The following MAP7 variants were observed in gnomAD, a reference collection of about 807,000 sequenced individuals.
MAP7 encodes microtubule associated protein 7.
A neutral mutation model predicts 94.8 loss-of-function variants in MAP7; 52 were observed. The observed-to-expected ratio is 0.55, with a 90% CI of 0.44 to 0.69. The LOEUF is 0.69. Among genes scored for constraint, MAP7 ranks in the 30% least tolerant of loss-of-function variants. The probability of loss-of-function intolerance (pLI) is 0.00; values close to 1 mark genes in which losing one functional copy is unlikely to be tolerated. For missense variants in MAP7, 940 were observed against 964.6 expected (o/e 0.97, Z 0.34); for synonymous variants, 350 against 357.0 (o/e 0.98, Z 0.22).
rs768953447 is a variant in MAP7 at position 136,362,699 on chromosome 6, G to C, written c.1277C>G (p.Ala426Gly). The change falls in exon 11 of 18, where the codon GCT becomes GGT. Residue 426 changes from alanine to glycine, a missense_variant. Ala to Gly is a moderately conservative substitution (Grantham distance 60, BLOSUM62 0). Transcript: ENST00000354570. ...GGCTGGAGCTGGGGCCATGGCTGGA[G>C]CAGCTGCACAAATAGGTACAAGGAG... ...TPAEPEVGPA[A>G]PAMAPAPASA... 2.7e-5 allele frequency: 43 copies of C among 1,586,336 alleles called. No homozygotes were observed. Among genetic ancestry groups the C allele is most frequent in the Non-Finnish European group, 3.5e-5 (41 of 1,171,216 alleles).
chr6:136,366,754 C>T (rs1037681725), intron 8 of MAP7, among the ~76,000 whole-genome samples: 5 of 152,296 alleles, frequency 3.3e-5, no homozygotes, highest in Non-Finnish European at 5.9e-5. Flanking sequence ...TGAAGCAAAA[C>T]GTCCCATTCT....
At chr6:136,410,384 CCT>C (rs1416850843) in intron 3 of MAP7, among the ~76,000 whole-genome samples, 1 of 152,190 alleles carries the variant, frequency 6.6e-6, no homozygotes, top group Non-Finnish European at 1.5e-5. Context: ...CTGCCTTCAT[CCT>C]CTCTCAGTTC....
chr6:136,389,233 A>C, intron 4 of MAP7, 121 bp downstream of exon 4: 2 of 1,428,098 alleles, frequency 1.4e-6, no homozygotes, highest in Non-Finnish European at 1.8e-6. Flanking sequence ...CCATCTGTAA[A>C]GCTGATCACT....
At chr6:136,435,175 G>T (rs1308220633) in intron 1 of MAP7, among the ~76,000 whole-genome samples, 1 of 152,172 alleles carries the variant, frequency 6.6e-6, no homozygotes, top group Non-Finnish European at 1.5e-5. Flanking sequence ...CCAGAAGGAG[G>T]TTGAGAGATA....
At chr6:136,520,750 C>T (rs1475207374) in intron 1 of MAP7, among the ~76,000 whole-genome samples, 1 of 152,092 alleles carries the variant, frequency 6.6e-6, no homozygotes. Flanking sequence ...TCAGAGTTAT[C>T]CAAATGAGGA....
chr6:136,498,102 G>T (rs1583070976), intron 1 of MAP7, among the ~76,000 whole-genome samples: 1 of 152,196 alleles, frequency 6.6e-6, no homozygotes, highest in Non-Finnish European at 1.5e-5. Context: ...TTGAGAAGAT[G>T]ATGAAAGCTA....
At chr6:136,433,739 G>A (rs369291573) in intron 1 of MAP7, among the ~76,000 whole-genome samples, 3 of 152,178 alleles carry the variant, frequency 2.0e-5, no homozygotes, top group African/African-American at 7.2e-5. Context: ...GGAAAGCATC[G>A]TGGGCTGCTG....
At chr6:136,393,384 G>C (rs1208528430) in intron 3 of MAP7, among the ~76,000 whole-genome samples, 1 of 152,094 alleles carries the variant, frequency 6.6e-6, no homozygotes, top group Non-Finnish European at 1.5e-5. Context: ...GGGGGGAAGG[G>C]GAAAATGTCT....
In MAP7 at chr6:136,411,652, C is replaced by T. The variant is rs765818122; in HGVS notation, c.212G>A (p.Arg71Gln). ...TTTCTCCCGTTCCTCACGTCGCTCC[C>T]GGGCCAGCCGCTGCCGGTCATCAAC... ...LRVDDRQRLA[R>Q]ERREEREKQL... The change falls in exon 3 of 18, where the codon CGG becomes CAG. Residue 71 changes from arginine (R) to glutamine (Q), a missense_variant. By Grantham distance (43) the Arg-to-Gln change is conservative. Coordinates refer to ENST00000354570, the MANE Select transcript of MAP7 (RefSeq NM_003980.6). 85 of 1,564,452 alleles carry T rather than the reference C, an allele frequency of 5.4e-5. No individual in the cohort carries two copies. Among genetic ancestry groups the T allele is most frequent in the South Asian group, 1.2e-4 (10 of 85,196 alleles).
intron 1 of MAP7, chr6:136,525,869 G>A (rs1238204166): frequency 7.8e-6 from 12 of 1,535,200 alleles, no homozygotes; most frequent in East Asian, 2.4e-5. Flanking sequence ...TTTGCTGTTC[G>A]TCTTCCTCAT....
chr6:136,528,385 T>C (rs1045641206), intron 1 of MAP7, among the ~76,000 whole-genome samples: 6 of 152,254 alleles, frequency 3.9e-5, no homozygotes, highest in Admixed American at 6.5e-5. Context: ...TCCTATTATT[T>C]TTCTTTAATC....
intron 6 of MAP7, among the ~76,000 whole-genome samples, chr6:136,378,606 T>A (rs1776900532): frequency 6.6e-6 from 1 of 152,136 alleles, no homozygotes; most frequent in South Asian, 2.1e-4. Flanking sequence ...ATAAACATAA[T>A]CCTAGAGATT....
rs144130374 is a variant in MAP7 at position 136,375,539 on chromosome 6, AAAGAATAATC to A, written c.751+2206_751+2215del. Among the ~76,000 whole-genome samples, 86 of 152,364 alleles carry A rather than the reference AAAGAATAATC, an allele frequency of 5.6e-4. No individual in the cohort carries two copies. In the East Asian group the frequency reaches 0.015, roughly 27 times the overall value. ...GACAACACTAAAATGGGAAAACATG[AAAGAATAATC>A]AAGGACAATAGATGAAAAATAAAAA... is the stretch of plus-strand genomic sequence containing the variant. On this transcript the variant is annotated intron_variant, in intron 7 of 17. Transcript: ENST00000354570.
At chr6:136,478,208 A>C (rs1455900392) in intron 1 of MAP7, among the ~76,000 whole-genome samples, 1 of 152,210 alleles carries the variant, frequency 6.6e-6, no homozygotes, top group Non-Finnish European at 1.5e-5. Flanking sequence ...CAAATAAGTA[A>C]CCTAACAACA....
At position 136,467,148 on chromosome 6, in the gene MAP7, G is replaced by C. The variant is rs189352587; in HGVS notation, c.68-45349C>G. 2.2e-4 allele frequency among the ~76,000 whole-genome samples: 33 copies of C among 152,234 alleles called. No homozygotes were observed. In the East Asian group the frequency reaches 5.8e-3, roughly 27 times the overall value. ...CGGTCTCAGGGATTCAAACTCAGAGGCCCCAAACAGAATGCACATTAAACA... is the reference window on the plus strand; with the variant it reads ...CGGTCTCAGGGATTCAAACTCAGAGCCCCCAAACAGAATGCACATTAAACA... On this transcript the variant is annotated intron_variant, in intron 1 of 17. Coordinates refer to ENST00000354570, the MANE Select transcript of MAP7 (RefSeq NM_003980.6).
chr6:136,464,582 G>A (rs1436203419), intron 1 of MAP7, among the ~76,000 whole-genome samples: 1 of 152,256 alleles, frequency 6.6e-6, no homozygotes, highest in Non-Finnish European at 1.5e-5. Context: ...TTTCTGGCAT[G>A]CACTGGGGAT....
intron 1 of MAP7, among the ~76,000 whole-genome samples, chr6:136,459,935 T>C (rs1562426099): frequency 6.6e-6 from 1 of 152,178 alleles, no homozygotes; most frequent in Non-Finnish European, 1.5e-5. Context: ...AGCTATAGTA[T>C]ATTATTATAT....
intron 11 of MAP7, among the ~76,000 whole-genome samples, chr6:136,361,664 C>G (rs1171030958): frequency 6.6e-6 from 1 of 152,174 alleles, no homozygotes; most frequent in Non-Finnish European, 1.5e-5. Context: ...AGATCCTTCC[C>G]CAGGGTACAG....
At chr6:136,520,083 GTTGCAAGCTAC>G in intron 1 of MAP7, among the ~76,000 whole-genome samples, 1 of 151,398 alleles carries the variant, frequency 6.6e-6, no homozygotes, top group South Asian at 2.1e-4. Context: ...TGCACCTCTA[GTTGCAAGCTAC>G]TTGGAAGGCT....
Sources: gnomAD v4.1 joint callset for allele counts (sites outside exome capture counted in the v4.1 genomes callset) on GRCh38, gnomAD v4.1.1 for gene constraint, MANE v1.5 for transcripts, NCBI Gene and HGNC (gene_info 2026-07-23, HGNC 2026-07-21) for gene names.